MACROD2: variants seen among roughly 807,000 people sequenced by gnomAD.
The protein encoded by MACROD2 is ADP-ribose glycohydrolase MACROD2.
MACROD2 carries 36 observed loss-of-function variants against 70.4 expected under a neutral mutation model. The ratio of observed to expected loss-of-function variants is 0.51; its 90% CI spans 0.39 to 0.68. MACROD2 has a LOEUF of 0.68. Ranked by LOEUF, MACROD2 falls within the 30% of genes least tolerant of loss-of-function variation. The pLI, the probability that MACROD2 is intolerant of heterozygous loss-of-function variation, is 0.00. For synonymous variants in MACROD2, 172 were observed against 178.8 expected (o/e 0.96, Z 0.30); for missense variants, 496 against 538.4 (o/e 0.92, Z 0.78).
rs568138728 is a variant in MACROD2, at chr20:15,842,106, C to G, written c.646-20639C>G. Among the ~76,000 whole-genome samples the G allele has an allele frequency of 2.0e-5, 3 of 152,142 alleles. No individual in the cohort carries two copies. The East Asian group carries it at 5.8e-4, about 29-fold the overall frequency. ...TGATGCAAGACTCTATTCCTGGGGC[C>G]ATAGCAGCACAATCCAGCAAGAGAG... On this transcript the variant is annotated intron_variant, in intron 8 of 17. Transcript: ENST00000684519.
At chr20:15,276,290 C>T (rs2077390836) in intron 6 of MACROD2, among the ~76,000 whole-genome samples, 1 of 151,768 alleles carries the variant, frequency 6.6e-6, no homozygotes, top group Non-Finnish European at 1.5e-5. Context: ...GTCCCGGCTA[C>T]TCGGGAGGCT....
chr20:15,393,474 T>C (rs1478933170), intron 6 of MACROD2, among the ~76,000 whole-genome samples: 1 of 152,186 alleles, frequency 6.6e-6, no homozygotes, highest in African/African-American at 2.4e-5. Flanking sequence ...GTTTCATAAA[T>C]TTTTCCTTTA....
intron 2 of MACROD2, among the ~76,000 whole-genome samples, chr20:14,062,953 A>G (rs1184147751): frequency 6.6e-6 from 1 of 152,118 alleles, no homozygotes; most frequent in Non-Finnish European, 1.5e-5. Flanking sequence ...CTGAAGCCAC[A>G]TTTGTTTGTT....
At chr20:15,529,396 T>C (rs528125786) in intron 8 of MACROD2, among the ~76,000 whole-genome samples, 4 of 152,246 alleles carry the variant, frequency 2.6e-5, no homozygotes, top group African/African-American at 9.6e-5. Flanking sequence ...TTTCCAATTG[T>C]TTTTACATTG....
At chr20:14,731,410 G>A (rs1297064468) in intron 5 of MACROD2, among the ~76,000 whole-genome samples, 1 of 152,104 alleles carries the variant, frequency 6.6e-6, no homozygotes, top group Non-Finnish European at 1.5e-5. Flanking sequence ...AGAAGACCAG[G>A]AAGCCCTTCC....
chr20:14,831,910 A>G (rs1277084673), intron 5 of MACROD2, among the ~76,000 whole-genome samples: 1 of 144,428 alleles, frequency 6.9e-6, no homozygotes, highest in African/African-American at 2.6e-5. Context: ...ACGTTTGGTG[A>G]TTGTTATGTT....
chr20:15,846,902 A>G (rs2064236701), intron 8 of MACROD2, among the ~76,000 whole-genome samples: 1 of 106,984 alleles, frequency 9.3e-6, no homozygotes, highest in South Asian at 3.4e-4. Flanking sequence ...GACATAGTCA[A>G]AAAAAAAATT....
chr20:14,074,077 A>T (rs772125407), intron 2 of MACROD2, among the ~76,000 whole-genome samples: 1 of 152,054 alleles, frequency 6.6e-6, no homozygotes, highest in Non-Finnish European at 1.5e-5. Flanking sequence ...GCAACATATG[A>T]TCATACTGGC....
At chr20:14,190,612 A>G (rs1260497419) in intron 3 of MACROD2, among the ~76,000 whole-genome samples, 2 of 143,376 alleles carry the variant, frequency 1.4e-5, no homozygotes, top group East Asian at 2.1e-4. Context: ...TGCCTTTAGC[A>G]TCTTTGTATA....
intron 3 of MACROD2, among the ~76,000 whole-genome samples, chr20:14,486,344 T>C (rs1315787906): frequency 6.6e-6 from 1 of 152,108 alleles, no homozygotes; most frequent in African/African-American, 2.4e-5. Context: ...TAATCTCTCC[T>C]GTCATCTGCC....
chr20:14,103,989 T>C (rs2054334462), intron 3 of MACROD2, among the ~76,000 whole-genome samples: 2 of 152,134 alleles, frequency 1.3e-5, no homozygotes, highest in Admixed American at 1.3e-4. Flanking sequence ...CTTTTTTAGG[T>C]ACACACAGAC....
intron 10 of MACROD2, among the ~76,000 whole-genome samples, chr20:15,932,112 C>T (rs34767717): frequency 0.011 from 1,740 of 152,242 alleles, 18 homozygotes; most frequent in Non-Finnish European, 0.018. Context: ...CTGAGGTCAC[C>T]GCTCAGCTGC....
chr20:16,019,829 G>A (rs773156191), intron 15 of MACROD2, among the ~76,000 whole-genome samples: 2 of 152,108 alleles, frequency 1.3e-5, no homozygotes, highest in Middle Eastern at 3.2e-3. Flanking sequence ...CCCAAGGCCC[G>A]GCAGAGGAGG....
intron 3 of MACROD2, among the ~76,000 whole-genome samples, chr20:14,338,185 T>C (rs918364350): frequency 6.6e-6 from 1 of 152,162 alleles, no homozygotes; most frequent in Non-Finnish European, 1.5e-5. Context: ...GAGGATCACC[T>C]GAGGTCAGGA....
chr20:14,647,413 G>A (rs1423538052), intron 4 of MACROD2, among the ~76,000 whole-genome samples: 3 of 151,976 alleles, frequency 2.0e-5, no homozygotes, highest in African/African-American at 7.3e-5. Flanking sequence ...ATTAACCTTG[G>A]GGGTGGTGTA....
At chr20:14,227,314 A>C (rs951685549) in intron 3 of MACROD2, among the ~76,000 whole-genome samples, 1 of 152,106 alleles carries the variant, frequency 6.6e-6, no homozygotes, top group East Asian at 1.9e-4. Flanking sequence ...CCCCTTTCAC[A>C]TGGTGGAAGC....
chr20:15,497,053 AC>A (rs1192002178), intron 7 of MACROD2, among the ~76,000 whole-genome samples: 1 of 152,226 alleles, frequency 6.6e-6, no homozygotes, highest in Non-Finnish European at 1.5e-5. Flanking sequence ...TTGGTTACCA[AC>A]AGGGGAGTCC....
chr20:14,947,341 C>T (rs1316956687), intron 5 of MACROD2, among the ~76,000 whole-genome samples: 1 of 152,216 alleles, frequency 6.6e-6, no homozygotes, highest in African/African-American at 2.4e-5. Context: ...GATTCCATTT[C>T]TGACTCCGGC....
chr20:15,737,913 G>C (rs945428455), intron 8 of MACROD2, among the ~76,000 whole-genome samples: 4 of 151,984 alleles, frequency 2.6e-5, no homozygotes, highest in Admixed American at 2.6e-4. Flanking sequence ...TGGATGGATG[G>C]GTGGATGAAT....
Sources: gnomAD v4.1 joint callset for allele counts (sites outside exome capture counted in the v4.1 genomes callset) on GRCh38, gnomAD v4.1.1 for gene constraint, MANE v1.5 for transcripts, NCBI Gene and HGNC (gene_info 2026-07-23, HGNC 2026-07-21) for gene names.